The following WIPF3 variants were observed in gnomAD, a reference collection of about 807,000 sequenced individuals.
WIPF3 encodes the protein WAS/WASL interacting protein family member 3, also known as WAS/WASL-interacting protein family member 3.
Under a neutral mutation model 38.9 loss-of-function variants are expected in WIPF3, and 33 were observed. The observed-to-expected ratio is 0.85, with a 90% CI of 0.64 to 1.14. The LOEUF is 1.14. Among genes scored for constraint, WIPF3 ranks in the 50% most tolerant of loss-of-function variants. WIPF3 has a pLI of 0.00. For missense variants in WIPF3, 711 were observed against 652.5 expected, an observed-to-expected ratio of 1.09 and a Z score of -0.98; for synonymous variants, 324 against 269.3, an observed-to-expected ratio of 1.20 and a Z score of -1.99.
intron 2 of WIPF3, among the ~76,000 whole-genome samples, chr7:29,841,213 G>A (rs1047805411): frequency 2.6e-5 from 4 of 152,168 alleles, no homozygotes; most frequent in African/African-American, 4.8e-5. Flanking sequence ...CCTCTGTAAC[G>A]AAATGCAAAC....
intron 2 of WIPF3, among the ~76,000 whole-genome samples, chr7:29,850,162 C>G (rs188477509): frequency 2.6e-5 from 4 of 152,316 alleles, no homozygotes; most frequent in African/African-American, 9.6e-5. Context: ...TGTGAAACTT[C>G]ATTTCGTGAA....
intron 2 of WIPF3, among the ~76,000 whole-genome samples, chr7:29,859,874 A>G (rs748175940): frequency 9.2e-5 from 14 of 152,236 alleles, no homozygotes; most frequent in Admixed American, 7.2e-4. Flanking sequence ...GAGCCTTCAT[A>G]GCTGGGCCTT....
chr7:29,896,466 AT>A (rs1431348513), intron 7 of WIPF3, among the ~76,000 whole-genome samples: 3 of 151,984 alleles, frequency 2.0e-5, no homozygotes, highest in Non-Finnish European at 2.9e-5. Flanking sequence ...AAATACAAAA[AT>A]TAGCTGAATG....
intron 3 of WIPF3, 106 bp downstream of exon 3, chr7:29,876,068 A>G (rs1357548768): frequency 2.7e-6 from 4 of 1,464,074 alleles, no homozygotes; most frequent in Non-Finnish European, 3.7e-6. Context: ...CCCAGGATGC[A>G]TATGGAGCCA....
intron 2 of WIPF3, among the ~76,000 whole-genome samples, chr7:29,873,571 T>C (rs975737317): frequency 6.6e-6 from 1 of 152,186 alleles, no homozygotes; most frequent in Non-Finnish European, 1.5e-5. Context: ...CTCATGATAT[T>C]AATGGTTTAT....
At chr7:29,900,167 C>T (rs1786244935) in intron 7 of WIPF3, among the ~76,000 whole-genome samples, 1 of 146,364 alleles carries the variant, frequency 6.8e-6, no homozygotes, top group South Asian at 2.2e-4. Context: ...CAACTCCTGG[C>T]CTCAAGTGAT....
intron 4 of WIPF3, among the ~76,000 whole-genome samples, 183 bp from the exon 5 acceptor site, chr7:29,883,667 G>A (rs568875807): frequency 6.6e-6 from 1 of 152,294 alleles, no homozygotes; most frequent in African/African-American, 2.4e-5. Context: ...CTTTGGATCT[G>A]GTCCAGTTGG....
intron 2 of WIPF3, 30 bp downstream of exon 2, chr7:29,834,844 G>C: frequency 6.7e-7 from 1 of 1,494,936 alleles, no homozygotes; most frequent in African/African-American, 1.5e-5. Flanking sequence ...TTGGTTTACT[G>C]TGGAGCATAA....
chr7:29,859,664 T>C (rs915618386), intron 2 of WIPF3, among the ~76,000 whole-genome samples: 1 of 152,220 alleles, frequency 6.6e-6, no homozygotes, highest in Non-Finnish European at 1.5e-5. Context: ...TTGGCAGGCA[T>C]TGTACTTCCT....
chr7:29,831,316 A>G (rs1335398762), intron 1 of WIPF3, among the ~76,000 whole-genome samples: 12 of 152,210 alleles, frequency 7.9e-5, no homozygotes, highest in African/African-American at 2.9e-4. Flanking sequence ...GTCTTGTTCT[A>G]TCTGGGCCCT....
chr7:29,894,277 A>AC (rs1786086753), intron 7 of WIPF3, among the ~76,000 whole-genome samples: 1 of 151,858 alleles, frequency 6.6e-6, no homozygotes, highest in Admixed American at 6.6e-5. Context: ...GAAAAGCTAC[A>AC]CCCCCTCACT....
intron 2 of WIPF3, among the ~76,000 whole-genome samples, chr7:29,846,927 A>G (rs1045603163): frequency 2.0e-5 from 3 of 152,232 alleles, no homozygotes; most frequent in African/African-American, 4.8e-5. Context: ...TGTCAAGCAA[A>G]TTACTTAATA....
intron 2 of WIPF3, among the ~76,000 whole-genome samples, chr7:29,839,424 G>C (rs922983087): frequency 2.0e-5 from 3 of 152,184 alleles, no homozygotes; most frequent in Non-Finnish European, 4.4e-5. Context: ...GCTTCTTACT[G>C]CAAAGGGGAA....
intron 8 of WIPF3, among the ~76,000 whole-genome samples, chr7:29,911,638 T>C (rs1786507474): frequency 6.6e-6 from 1 of 152,152 alleles, no homozygotes; most frequent in South Asian, 2.1e-4. Context: ...CTTGCATGTA[T>C]GGTCAAATGA....
chr7:29,836,006 C>T (rs999186431), intron 2 of WIPF3, among the ~76,000 whole-genome samples: 8 of 152,218 alleles, frequency 5.3e-5, no homozygotes, highest in African/African-American at 1.7e-4. Context: ...CCCCACGTGA[C>T]ATTCGTTTGG....
At chr7:29,829,375 C>A (rs556225111) in intron 1 of WIPF3, among the ~76,000 whole-genome samples, 2 of 152,182 alleles carry the variant, frequency 1.3e-5, no homozygotes, top group African/African-American at 2.4e-5. Context: ...TGCCACCACA[C>A]CTGGCTAATT....
intron 1 of WIPF3, among the ~76,000 whole-genome samples, chr7:29,827,937 A>G (rs1460836063): frequency 6.6e-6 from 1 of 152,162 alleles, no homozygotes; most frequent in African/African-American, 2.4e-5. Context: ...CCGGAACTAC[A>G]GGTGTGCACC....
chr7:29,853,544 C>T (rs955980656), intron 2 of WIPF3, among the ~76,000 whole-genome samples: 1 of 152,212 alleles, frequency 6.6e-6, no homozygotes, highest in Non-Finnish European at 1.5e-5. Context: ...AGCAACAGGG[C>T]CAGTAGCAAT....
chr7:29,850,271 A>G (rs1785072661), intron 2 of WIPF3, among the ~76,000 whole-genome samples: 1 of 152,238 alleles, frequency 6.6e-6, no homozygotes, highest in Non-Finnish European at 1.5e-5. Context: ...ACCAAAAGCA[A>G]TGGTTGATGT....
Sources: gnomAD v4.1 joint callset for allele counts (sites outside exome capture counted in the v4.1 genomes callset) on GRCh38, gnomAD v4.1.1 for gene constraint, MANE v1.5 for transcripts, NCBI Gene and HGNC (gene_info 2026-07-23, HGNC 2026-07-21) for gene names.